The following HCN2 variants were observed in gnomAD, a reference collection of about 807,000 sequenced individuals.
HCN2 encodes the protein hyperpolarization activated cyclic nucleotide gated potassium and sodium channel 2, also known as potassium/sodium hyperpolarization-activated cyclic nucleotide-gated channel 2.
A neutral mutation model predicts 52.3 loss-of-function variants in HCN2; 20 were observed. The ratio of observed to expected loss-of-function variants is 0.38; its 90% CI spans 0.27 to 0.56. The LOEUF is 0.56. Ranked by LOEUF, HCN2 falls within the 20% of genes least tolerant of loss-of-function variation. The pLI is 0.71. For missense variants in HCN2, 981 were observed against 1,207.7 expected (o/e 0.81, Z 2.78); for synonymous variants, 694 against 537.0 (o/e 1.29, Z -4.04).
intron 1 of HCN2, among the ~76,000 whole-genome samples, chr19:601,712 C>T (rs558782410): frequency 3.0e-4 from 46 of 152,172 alleles, no homozygotes; most frequent in African/African-American, 1.1e-3. Context: ...TGCTCCGAGT[C>T]GTTTTGATTT....
intron 1 of HCN2, among the ~76,000 whole-genome samples, chr19:594,606 G>T (rs550733246): frequency 6.6e-6 from 1 of 152,326 alleles, no homozygotes; most frequent in Admixed American, 6.5e-5. Flanking sequence ...GAGTGGGTCA[G>T]CGGGAGATCA....
At chr19:608,767 C>T (rs767597435) in intron 4 of HCN2, among the ~76,000 whole-genome samples, 63 of 151,870 alleles carry the variant, frequency 4.1e-4, no homozygotes, top group Non-Finnish European at 7.8e-4. Flanking sequence ...AAGGGCCTGG[C>T]GGGGTCTGAG....
chr19:605,286 C>A, intron 3 of HCN2, 64 bp downstream of exon 3: 2 of 1,501,186 alleles, frequency 1.3e-6, no homozygotes, highest in Non-Finnish European at 1.8e-6. Context: ...GGGACCCAGG[C>A]CCCCTTATCC....
At chr19:594,451 GC>G (rs1378399309) in intron 1 of HCN2, among the ~76,000 whole-genome samples, 1 of 152,176 alleles carries the variant, frequency 6.6e-6, no homozygotes, top group East Asian at 1.9e-4. Flanking sequence ...AGCTGGGGAG[GC>G]CCCGTGTGAG....
intron 4 of HCN2, 87 bp from the exon 5 acceptor site, chr19:610,172 C>G (rs1983564159): frequency 6.7e-7 from 1 of 1,488,166 alleles, no homozygotes; most frequent in Non-Finnish European, 9.2e-7. Flanking sequence ...CTGACCCAGC[C>G]TCGCCTCCCC....
At chr19:608,756 G>A (rs991251833) in intron 4 of HCN2, among the ~76,000 whole-genome samples, 1 of 152,094 alleles carries the variant, frequency 6.6e-6, no homozygotes, top group African/African-American at 2.4e-5. Flanking sequence ...CTGGGTTAGG[G>A]AAGGGCCTGG....
At chr19:600,335 G>A (rs1287549961) in intron 1 of HCN2, among the ~76,000 whole-genome samples, 1 of 151,676 alleles carries the variant, frequency 6.6e-6, no homozygotes, top group African/African-American at 2.4e-5. Context: ...ACCACGCCCG[G>A]CTAATTTTTG....
chr19:593,382 T>C (rs2392750), intron 1 of HCN2, among the ~76,000 whole-genome samples: 91,353 of 152,012 alleles, frequency 0.6, 28,974 homozygotes, highest in African/African-American at 0.8. Flanking sequence ...TTTGGGAGGC[T>C]GAGGCGGGCG....
intron 1 of HCN2, among the ~76,000 whole-genome samples, chr19:595,762 A>T (rs985938742): frequency 6.6e-6 from 1 of 151,732 alleles, no homozygotes; most frequent in Non-Finnish European, 1.5e-5. Context: ...CCCTTTCTTA[A>T]TCCTGGGCAC....
chr19:595,972 G>A (rs983651745), intron 1 of HCN2, among the ~76,000 whole-genome samples: 1 of 152,146 alleles, frequency 6.6e-6, no homozygotes, highest in African/African-American at 2.4e-5. Context: ...CCCCAACCCG[G>A]GACTCAGGCT....
Position 603,637 on chromosome 19 carries a change from C to T in HCN2, c.726C>T (p.Ala242=), listed in dbSNP as rs1983294186. The T allele has an allele frequency of 1.2e-6, 2 of 1,612,326 alleles. No homozygotes were observed. The highest frequency in any genetic ancestry group is 1.7e-5 in the Admixed American group (1 of 59,960). The change falls in exon 2 of 8, where the codon GCC becomes GCT. Residue 242 remains alanine, a synonymous_variant. Coordinates refer to ENST00000251287, the MANE Select transcript of HCN2 (RefSeq NM_001194.4). ...GITFFKDETT[A]PWIVFNVVSD... ...CCTTCTTCAAGGATGAGACCACTGC[C>T]CCGTGGATCGTGTTCAACGTGGTCT...
chr19:610,138 C>T (rs552118382), intron 4 of HCN2, 121 bp from the exon 5 acceptor site: 2 of 1,222,652 alleles, frequency 1.6e-6, no homozygotes, highest in African/African-American at 1.5e-5. Context: ...TGCCCGTGTG[C>T]CCGCTGCAGG....
rs1982879967 is a variant in HCN2 at position 591,737 on chromosome 19, A to G, written c.632+1160A>G. ...TTTTCCCGCCTGTCTCTCCTCCTCCAGGCCTGGGCGCCCCAGGACAGCCCC... is the reference window on the plus strand; with the variant it reads ...TTTTCCCGCCTGTCTCTCCTCCTCCGGGCCTGGGCGCCCCAGGACAGCCCC... On this transcript the variant is annotated intron_variant, in intron 1 of 7. Coordinates refer to ENST00000251287, the MANE Select transcript of HCN2 (RefSeq NM_001194.4). The surrounding 1 kb of genome is among the most constrained non-coding windows in gnomAD (Gnocchi z 4.1). Among the ~76,000 whole-genome samples, 1 of 152,096 alleles carries G rather than the reference A, an allele frequency of 6.6e-6. No individual in the cohort carries two copies. Among genetic ancestry groups the G allele is most frequent in the South Asian group, 2.1e-4 (1 of 4,830 alleles).
At chr19:608,295 G>A (rs1014771484) in intron 4 of HCN2, 113 bp downstream of exon 4, 31 of 924,974 alleles carry the variant, frequency 3.4e-5, no homozygotes, top group African/African-American at 2.5e-4. Flanking sequence ...AGGCAGGCCC[G>A]GTCCTGGGGT....
In HCN2 at chr19:591,044, C is replaced by T. The variant is rs1466607090; in HGVS notation, c.632+467C>T. On this transcript the variant is annotated intron_variant, in intron 1 of 7. Transcript: ENST00000251287. This position sits in a 1 kb window ranked among gnomAD's most constrained non-coding sequence, Gnocchi z 4.1. Reference sequence around the variant, plus strand: ...CGCGCCCCGCCTGCGAGGAGGCGCGCCCGGGGCCGCGGGCCTGGAAAGCGT... The same window carrying T: ...CGCGCCCCGCCTGCGAGGAGGCGCGTCCGGGGCCGCGGGCCTGGAAAGCGT... The T allele has an allele frequency of 6.6e-6, 1 of 152,164 alleles. No homozygotes were observed. The highest frequency in any genetic ancestry group is 6.5e-5 in the Admixed American group (1 of 15,288). 9.4% of individuals were successfully genotyped at this position (152,164 alleles called of 1,614,324 possible).
At chr19:594,072 G>C (rs1042326838) in intron 1 of HCN2, among the ~76,000 whole-genome samples, 1 of 150,936 alleles carries the variant, frequency 6.6e-6, no homozygotes, top group South Asian at 2.1e-4. Context: ...GGCAGGGGCT[G>C]GAGGTCTCTG....
chr19:613,818 C>A, intron 6 of HCN2, 34 bp from the exon 7 acceptor site: 2 of 1,479,892 alleles, frequency 1.4e-6, no homozygotes, highest in South Asian at 1.3e-5. Flanking sequence ...GCGCCCGCCT[C>A]GTCCAGCAAC....
chr19:612,825 T>G (rs1983700777), intron 5 of HCN2, among the ~76,000 whole-genome samples: 1 of 145,656 alleles, frequency 6.9e-6, no homozygotes. Context: ...CTCGACTTCC[T>G]GCACCACCAC....
chr19:613,685 ATGGGGCCGGGGATGGGGCCGGGGATGGGG>A lies in HCN2; in HGVS notation c.1826-166_1826-138del, dbSNP rs1983763100. Among the ~76,000 whole-genome samples, 3 of 23,396 alleles carry A rather than the reference ATGGGGCCGGGGATGGGGCCGGGGATGGGG, an allele frequency of 1.3e-4. 1 individual carries two copies. The highest frequency in any genetic ancestry group is 2.3e-4 in the Non-Finnish European group (3 of 13,060). The allele number at this position is 23,396 out of a possible 152,430, so 15.3% of individuals were successfully genotyped here. On this transcript the variant is annotated intron_variant, in intron 6 of 7. Coordinates refer to ENST00000251287, the MANE Select transcript of HCN2 (RefSeq NM_001194.4). ...GCCGGGGATGGGGATGGGGCCGGGG[ATGGGGCCGGGGATGGGGCCGGGGATGGGG>A]CCGGGGCCGGCACCAGGGAGAGCCT...
Sources: gnomAD v4.1 joint callset for allele counts (sites outside exome capture counted in the v4.1 genomes callset) on GRCh38, gnomAD v4.1.1 for gene constraint, Gnocchi (gnomAD v3.1) non-coding constraint, MANE v1.5 for transcripts, NCBI Gene and HGNC (gene_info 2026-07-23, HGNC 2026-07-21) for gene names.